PGGT1B: variants seen among roughly 807,000 people sequenced by gnomAD.
The protein encoded by PGGT1B is geranylgeranyl transferase type-1 subunit beta.
PGGT1B carries 30 observed loss-of-function variants against 46.1 expected under a neutral mutation model. The ratio of observed to expected loss-of-function variants is 0.65; its 90% CI spans 0.49 to 0.88. The LOEUF is 0.88. Ranked by LOEUF, PGGT1B falls within the 40% of genes least tolerant of loss-of-function variation. The pLI is 0.00. For missense variants in PGGT1B, 376 were observed against 455.9 expected (o/e 0.82, Z 1.60); for synonymous variants, 170 against 160.0 (o/e 1.06, Z -0.47).
Position 115,211,489 on chromosome 5 carries a change from G to C in PGGT1B, c.*913C>G, listed in dbSNP as rs1561466975. ...TTAGAAAAGTATTAGTTTGAAATTA[G>C]AGCAGCTAACACACTGGGGGCAATA... On this transcript the variant is annotated 3_prime_UTR_variant, in exon 9 of 9. Coordinates refer to ENST00000419445, the MANE Select transcript of PGGT1B (RefSeq NM_005023.4). The C allele has an allele frequency of 6.7e-6, 1 of 148,974 alleles. No homozygotes were observed. The highest frequency in any genetic ancestry group is 1.5e-5 in the Non-Finnish European group (1 of 67,514). The allele number at this position is 148,974 out of a possible 1,614,324, so 9.2% of individuals were successfully genotyped here. A position where few individuals can be genotyped will look rare whatever the true frequency, so the allele number is the denominator to read the frequency against.
chr5:115,223,947 A>G (rs1756676775), intron 6 of PGGT1B, among the ~76,000 whole-genome samples: 1 of 152,160 alleles, frequency 6.6e-6, no homozygotes, highest in African/African-American at 2.4e-5. Context: ...CTTTCCTTTC[A>G]GTGTTACAAA....
chr5:115,224,498 C>T (rs1005791871), intron 6 of PGGT1B, among the ~76,000 whole-genome samples: 2 of 152,268 alleles, frequency 1.3e-5, no homozygotes, highest in East Asian at 1.9e-4. Context: ...CATTTACCAA[C>T]AGGTAAGCCT....
Position 115,257,772 on chromosome 5 carries a change from A to C in PGGT1B, c.141-4517T>G, listed in dbSNP as rs1261970209. Among the ~76,000 whole-genome samples, 3 of 152,214 alleles carry C rather than the reference A, an allele frequency of 2.0e-5. No individual in the cohort carries two copies. In the East Asian group the frequency reaches 5.8e-4, roughly 29 times the overall value. On this transcript the variant is annotated intron_variant, in intron 1 of 8. Transcript: ENST00000419445. Reference sequence around the variant, plus strand: ...TCCTGCCTAGATACCAGATGGGCCTATGACTACATCATATTGCATCTAAAA... The same window carrying C: ...TCCTGCCTAGATACCAGATGGGCCTCTGACTACATCATATTGCATCTAAAA...
intron 8 of PGGT1B, among the ~76,000 whole-genome samples, chr5:115,214,893 T>C (rs1232157263): frequency 1.3e-5 from 2 of 152,212 alleles, no homozygotes; most frequent in Non-Finnish European, 2.9e-5. Flanking sequence ...ACTAGAGATA[T>C]CAAAAATTTC....
At chr5:115,216,558 C>A (rs1580743399) in intron 8 of PGGT1B, among the ~76,000 whole-genome samples, 1 of 152,176 alleles carries the variant, frequency 6.6e-6, no homozygotes, top group East Asian at 1.9e-4. Context: ...CTAAATAATT[C>A]TCTTCTTTGG....
At chr5:115,238,127 G>C (rs1757239710) in intron 3 of PGGT1B, 118 bp from the exon 4 acceptor site, 1 of 575,134 alleles carries the variant, frequency 1.7e-6, no homozygotes, top group African/African-American at 1.9e-5. Flanking sequence ...ATACTGATTT[G>C]TATAGACATC....
intron 1 of PGGT1B, among the ~76,000 whole-genome samples, chr5:115,255,630 TCAGA>T (rs1455160961): frequency 1.3e-5 from 2 of 151,984 alleles, no homozygotes; most frequent in Non-Finnish European, 2.9e-5. Context: ...GGACTTGAGG[TCAGA>T]CAATGGATAA....
At chr5:115,233,159 C>T (rs911963105) in intron 5 of PGGT1B, among the ~76,000 whole-genome samples, 1 of 151,968 alleles carries the variant, frequency 6.6e-6, no homozygotes, top group Non-Finnish European at 1.5e-5. Flanking sequence ...TCTGCCTCTA[C>T]TCCCAAGAAA....
intron 3 of PGGT1B, among the ~76,000 whole-genome samples, chr5:115,238,328 A>C (rs1461547707): frequency 2.6e-5 from 2 of 78,358 alleles, no homozygotes; most frequent in Non-Finnish European, 4.6e-5. Context: ...TTTTAGTAAC[A>C]GGGTCTTATC....
intron 1 of PGGT1B, among the ~76,000 whole-genome samples, chr5:115,254,342 G>A (rs935691326): frequency 2.0e-5 from 3 of 151,768 alleles, no homozygotes; most frequent in Non-Finnish European, 4.4e-5. Flanking sequence ...ATACCCCACT[G>A]GGACAGGACC....
Position 115,237,977 on chromosome 5 carries a change from G to A in PGGT1B, c.360C>T (p.Gly120=). Residue 120 remains glycine, a synonymous_variant, in exon 4 of 9, where the codon GGC becomes GGT. Transcript: ENST00000419445. The part of the protein sequence containing the change: ...APGTAHPYDS[G]HIAMTYTGLS... ...GGCCAGTGTAGGTCATTGCAATGTG[G>A]CCACTATCATAAGGATGAGCTGTTC... is the stretch of plus-strand genomic sequence containing the variant. 3.7e-6 allele frequency: 6 copies of A among 1,610,726 alleles called. No individual in the cohort carries two copies. Among genetic ancestry groups the A allele is most frequent in the Non-Finnish European group, 5.1e-6 (6 of 1,178,044 alleles).
At chr5:115,219,328 T>C (rs1443797544) in intron 7 of PGGT1B, among the ~76,000 whole-genome samples, 1 of 151,770 alleles carries the variant, frequency 6.6e-6, no homozygotes, top group Non-Finnish European at 1.5e-5. Flanking sequence ...TTGACAAGGG[T>C]GCCAAAACCA....
intron 2 of PGGT1B, among the ~76,000 whole-genome samples, chr5:115,251,343 T>C (rs78664509): frequency 1.3e-5 from 2 of 152,114 alleles, no homozygotes; most frequent in African/African-American, 2.4e-5. Context: ...CTCCAGATAA[T>C]AGCAAATCTC....
Position 115,232,891 on chromosome 5 carries a change from AGG to A in PGGT1B, c.613-1872_613-1871del, listed in dbSNP as rs1236416526. Among the ~76,000 whole-genome samples, 3 of 152,020 alleles carry A rather than the reference AGG, an allele frequency of 2.0e-5. 1 individual carries two copies. The highest frequency in any genetic ancestry group is 4.4e-5 in the Non-Finnish European group (3 of 67,950). On this transcript the variant is annotated intron_variant, in intron 5 of 8. Coordinates refer to ENST00000419445, the MANE Select transcript of PGGT1B (RefSeq NM_005023.4). ...AGGAGGGAGAAGCCCTTTGAAAATC[AGG>A]TGATAAAGGAAAGCTCAAAAAAGCA...
rs866648508 is a variant in PGGT1B at position 115,209,704 on chromosome 5, C to G, written c.*2698G>C. ...GAGGTTAAACTGTTAAGACCTCTTT[C>G]TGTTGTAGAAGAGAGGTTTTAATTA... On this transcript the variant is annotated 3_prime_UTR_variant, in exon 9 of 9. Coordinates refer to ENST00000419445, the MANE Select transcript of PGGT1B (RefSeq NM_005023.4). 6.6e-6 allele frequency: 1 copy of G among 152,076 alleles called. No homozygotes were observed. The highest frequency in any genetic ancestry group is 1.5e-5 in the Non-Finnish European group (1 of 67,992). The allele number at this position is 152,076 out of a possible 1,614,324, so 9.4% of individuals were successfully genotyped here.
chr5:115,231,199 G>C (rs544749753), intron 5 of PGGT1B, among the ~76,000 whole-genome samples, 178 bp from the exon 6 acceptor site: 1 of 152,052 alleles, frequency 6.6e-6, no homozygotes, highest in African/African-American at 2.4e-5. Flanking sequence ...TCAAATACCT[G>C]ATTTTCTCTT....
Position 115,212,178 on chromosome 5 carries a change from A to G in PGGT1B, c.*224T>C. The G allele has an allele frequency of 1.5e-6, 1 of 678,942 alleles. No individual in the cohort carries two copies. The highest frequency in any genetic ancestry group is 2.3e-6 in the Non-Finnish European group (1 of 437,718). The allele number at this position is 678,942 out of a possible 1,614,324, so 42.1% of individuals were successfully genotyped here. A position where few individuals can be genotyped will look rare whatever the true frequency, so the allele number is the denominator to read the frequency against. On this transcript the variant is annotated 3_prime_UTR_variant, in exon 9 of 9. Transcript: ENST00000419445. ...AACTTCTTAGAAATACAGTATAAACATTTAAGAACCACGACAAAGTTGTGG... is the reference window on the plus strand; with the variant it reads ...AACTTCTTAGAAATACAGTATAAACGTTTAAGAACCACGACAAAGTTGTGG...
Position 115,236,542 on chromosome 5 carries a change from T to C in PGGT1B, c.480-20A>G, listed in dbSNP as rs1200758742. On this transcript the variant is annotated intron_variant, in intron 4 of 8. Coordinates refer to ENST00000419445, the MANE Select transcript of PGGT1B (RefSeq NM_005023.4). ...CAAAAACTGAAAATAATAACAACAA[T>C]ATGATTTTCTATTAACACTGGACTC... 3 of 1,497,726 alleles carry C rather than the reference T, an allele frequency of 2.0e-6. No homozygotes were observed. The highest frequency in any genetic ancestry group is 2.7e-6 in the Non-Finnish European group (3 of 1,126,478). 92.8% of individuals were successfully genotyped at this position (1,497,726 alleles called of 1,614,324 possible).
chr5:115,206,082 AC>A lies in PGGT1B; in HGVS notation c.*6319del, dbSNP rs1756053641. On this transcript the variant is annotated 3_prime_UTR_variant, in exon 9 of 9. Transcript: ENST00000419445. Reference sequence around the variant, plus strand: ...ATAATACATTGTTGAATGAAAAAAAACCATGGAATATTTAGTACCTCAGATC... The same window carrying A: ...ATAATACATTGTTGAATGAAAAAAAACATGGAATATTTAGTACCTCAGATC... The A allele has an allele frequency of 6.6e-6, 1 of 151,972 alleles. No homozygotes were observed. Among genetic ancestry groups the A allele is most frequent in the African/African-American group, 2.4e-5 (1 of 41,420 alleles). 9.4% of individuals were successfully genotyped at this position (151,972 alleles called of 1,614,324 possible). A position where few individuals can be genotyped will look rare whatever the true frequency, so the allele number is the denominator to read the frequency against.
Sources: gnomAD v4.1 joint callset for allele counts (sites outside exome capture counted in the v4.1 genomes callset) on GRCh38, gnomAD v4.1.1 for gene constraint, MANE v1.5 for transcripts, NCBI Gene and HGNC (gene_info 2026-07-23, HGNC 2026-07-21) for gene names.